RBFOX1: variants seen among roughly 807,000 people sequenced by gnomAD.
The protein encoded by RBFOX1 is RNA binding protein fox-1 homolog 1.
In RBFOX1, 8 loss-of-function variants were observed where a neutral mutation model predicts 57.7. The ratio of observed to expected loss-of-function variants is 0.14; its 90% confidence interval spans 0.08 to 0.25. The LOEUF is 0.25. Among genes scored for constraint, RBFOX1 ranks in the 10% least tolerant of loss-of-function variants. The pLI, the probability that RBFOX1 is intolerant of heterozygous loss-of-function variation, is 1.00. For synonymous variants in RBFOX1, 326 were observed against 222.4 expected (o/e 1.47, Z -4.15); for missense variants, 611 against 548.5 (o/e 1.11, Z -1.14).
At chr16:5,901,278 C>G (rs987939349) in intron 4 of RBFOX1, among the ~76,000 whole-genome samples, 1 of 152,174 alleles carries the variant, frequency 6.6e-6, no homozygotes, top group Non-Finnish European at 1.5e-5. Flanking sequence ...CTAATCGTTC[C>G]TCTTTGAAAC....
At chr16:5,240,415 G>A (rs2062135380) in intron 1 of RBFOX1, among the ~76,000 whole-genome samples, 1 of 152,162 alleles carries the variant, frequency 6.6e-6, no homozygotes, top group Non-Finnish European at 1.5e-5. Flanking sequence ...GGGAAGGGGC[G>A]GGGGTTGCGC....
chr16:5,811,022 G>T (rs2055406548), intron 3 of RBFOX1, among the ~76,000 whole-genome samples: 1 of 151,946 alleles, frequency 6.6e-6, no homozygotes, highest in Non-Finnish European at 1.5e-5. Context: ...TACCTTTGCA[G>T]TCCCTCGCTC....
intron 1 of RBFOX1, among the ~76,000 whole-genome samples, chr16:6,245,439 A>C (rs971482794): frequency 6.6e-6 from 1 of 152,152 alleles, no homozygotes. Context: ...ATTCACTTTT[A>C]TTAAGCACTT....
intron 2 of RBFOX1, among the ~76,000 whole-genome samples, chr16:6,652,751 G>A (rs79002811): frequency 0.014 from 2,166 of 152,196 alleles, 59 homozygotes; most frequent in African/African-American, 0.049. Flanking sequence ...GTGGTTTTCA[G>A]GGGCTCTGGG....
chr16:7,522,289 G>C (rs1047126380), intron 5 of RBFOX1, among the ~76,000 whole-genome samples: 1 of 152,144 alleles, frequency 6.6e-6, no homozygotes, highest in East Asian at 1.9e-4. Context: ...AGAAAGACAA[G>C]GACAGAACAT....
At chr16:5,563,964 C>G (rs1228184492) in intron 2 of RBFOX1, among the ~76,000 whole-genome samples, 1 of 152,136 alleles carries the variant, frequency 6.6e-6, no homozygotes, top group Non-Finnish European at 1.5e-5. Context: ...GGAACCACGT[C>G]ATTTTTATCT....
intron 1 of RBFOX1, among the ~76,000 whole-genome samples, chr16:6,071,312 C>A (rs917923415): frequency 1.3e-5 from 2 of 152,228 alleles, no homozygotes; most frequent in East Asian, 3.9e-4. Context: ...CAGAGTGAGA[C>A]CCTGTCTCCA....
intron 2 of RBFOX1, among the ~76,000 whole-genome samples, chr16:5,473,823 T>G (rs979852289): frequency 2.2e-4 from 32 of 142,676 alleles, no homozygotes; most frequent in Non-Finnish European, 4.2e-4. Context: ...GGTGGAAGGA[T>G]AGATGTAAGG....
chr16:7,050,130 T>C (rs1008682303), intron 3 of RBFOX1, among the ~76,000 whole-genome samples: 2 of 149,526 alleles, frequency 1.3e-5, no homozygotes, highest in Non-Finnish European at 2.9e-5. Flanking sequence ...AGTCACCTAT[T>C]TCAGGTGTAT....
intron 3 of RBFOX1, among the ~76,000 whole-genome samples, chr16:7,038,579 C>G (rs1235844321): frequency 6.6e-6 from 1 of 152,152 alleles, no homozygotes; most frequent in African/African-American, 2.4e-5. Flanking sequence ...TGTAAAGGTG[C>G]TTACATGTGT....
downstream of RBFOX1, among the ~76,000 whole-genome samples, chr16:5,604,447 G>C (rs573049284): frequency 1.3e-5 from 2 of 152,310 alleles, no homozygotes; most frequent in African/African-American, 4.8e-5. Context: ...CAGGCCCTCA[G>C]ACCCTAGAGG....
At chr16:7,279,075 G>A (rs192059595) in intron 4 of RBFOX1, among the ~76,000 whole-genome samples, 3 of 150,424 alleles carry the variant, frequency 2.0e-5, no homozygotes, top group Admixed American at 6.6e-5. Context: ...AAGTGACGTA[G>A]GTTTCTGGAG....
At chr16:6,361,027 C>G (rs1470669150) in intron 2 of RBFOX1, among the ~76,000 whole-genome samples, 2 of 151,988 alleles carry the variant, frequency 1.3e-5, no homozygotes, top group African/African-American at 2.4e-5. Flanking sequence ...AATGACCAAG[C>G]TGAGCCGTTG....
intron 3 of RBFOX1, among the ~76,000 whole-genome samples, chr16:5,791,440 G>T (rs530174685): frequency 6.6e-6 from 1 of 152,096 alleles, no homozygotes; most frequent in Non-Finnish European, 1.5e-5. Flanking sequence ...TAGGATCTGG[G>T]TACTAATATT....
At chr16:7,220,425 A>G (rs1001169505) in intron 4 of RBFOX1, among the ~76,000 whole-genome samples, 26 of 152,208 alleles carry the variant, frequency 1.7e-4, no homozygotes, top group African/African-American at 5.1e-4. Context: ...AATGCTAGAG[A>G]GAAAAGTGTT....
intron 4 of RBFOX1, among the ~76,000 whole-genome samples, chr16:7,184,430 A>T (rs968992052): frequency 6.6e-6 from 1 of 152,216 alleles, no homozygotes; most frequent in Admixed American, 6.5e-5. Flanking sequence ...ATATCCACAA[A>T]CACCTCATGA....
chr16:7,202,538 A>G (rs2088847994), intron 4 of RBFOX1, among the ~76,000 whole-genome samples: 1 of 152,218 alleles, frequency 6.6e-6, no homozygotes, highest in Admixed American at 6.5e-5. Context: ...ATGTAGTGGT[A>G]CCGGTGTATG....
intron 4 of RBFOX1, among the ~76,000 whole-genome samples, chr16:7,203,754 C>A (rs903522242): frequency 6.6e-6 from 1 of 152,112 alleles, no homozygotes; most frequent in African/African-American, 2.4e-5. Flanking sequence ...TGGTTAGTGA[C>A]TCTTTCTCGA....
At chr16:7,123,888 C>A (rs746246913) in intron 4 of RBFOX1, among the ~76,000 whole-genome samples, 50 of 152,166 alleles carry the variant, frequency 3.3e-4, no homozygotes, top group Non-Finnish European at 5.0e-4. Flanking sequence ...TAAGAACATG[C>A]CACAGTCTGC....
Sources: gnomAD v4.1 joint callset for allele counts (sites outside exome capture counted in the v4.1 genomes callset) on GRCh38, gnomAD v4.1.1 for gene constraint, MANE v1.5 for transcripts, NCBI Gene and HGNC (gene_info 2026-07-23, HGNC 2026-07-21) for gene names.